CD1B: variants seen among roughly 807,000 people sequenced by gnomAD.
CD1B encodes CD1b molecule, also known as T-cell surface glycoprotein CD1b.
A neutral mutation model predicts 39.8 loss-of-function variants in CD1B; 43 were observed. That is an observed-to-expected ratio of 1.08 (90% CI 0.85 to 1.39). The LOEUF is 1.39. Among genes scored for constraint, CD1B ranks in the 40% most tolerant of loss-of-function variants. CD1B has a pLI of 0.00. For synonymous variants in CD1B, 192 were observed against 152.5 expected (o/e 1.26, Z -1.91); for missense variants, 495 against 403.8 (o/e 1.23, Z -1.94).
At chr1:158,287,554 C>G in the CD1B span, among the ~76,000 whole-genome samples, 1 of 152,040 alleles carries the variant, frequency 6.6e-6, no homozygotes, top group Non-Finnish European at 1.5e-5. Context: ...GAAGGCCACT[C>G]CATTTAGGGT....
the CD1B span, among the ~76,000 whole-genome samples, chr1:158,319,203 G>T: frequency 6.6e-6 from 1 of 151,036 alleles, no homozygotes; most frequent in Non-Finnish European, 1.5e-5. Context: ...GAATCTGAAC[G>T]TTGGCCTGCC....
the CD1B span, among the ~76,000 whole-genome samples, chr1:158,303,739 A>G: frequency 1.3e-5 from 2 of 152,212 alleles, no homozygotes; most frequent in African/African-American, 4.8e-5. Flanking sequence ...CTCTACAACA[A>G]GAATTATAAA....
the CD1B span, among the ~76,000 whole-genome samples, chr1:158,316,289 G>A: frequency 6.6e-6 from 1 of 152,034 alleles, no homozygotes; most frequent in Non-Finnish European, 1.5e-5. Flanking sequence ...CTACCCATGA[G>A]CATGGAATGT....
the CD1B span, among the ~76,000 whole-genome samples, chr1:158,309,753 T>A: frequency 6.6e-6 from 1 of 150,940 alleles, no homozygotes; most frequent in Non-Finnish European, 1.5e-5. Flanking sequence ...ACACTGCATG[T>A]TCTCACTCAC....
the CD1B span, among the ~76,000 whole-genome samples, chr1:158,308,347 G>A: frequency 2.0e-5 from 3 of 152,126 alleles, no homozygotes; most frequent in Non-Finnish European, 4.4e-5. Flanking sequence ...CAAACAAATG[G>A]AAGAACATTC....
chr1:158,301,046 C>T, the CD1B span, among the ~76,000 whole-genome samples: 1 of 151,870 alleles, frequency 6.6e-6, no homozygotes, highest in Admixed American at 6.6e-5. Context: ...GTGTGAGCCA[C>T]CGTGCCTTTG....
chr1:158,323,621 C>T (rs1652261153), downstream of CD1B, among the ~76,000 whole-genome samples: 1 of 152,168 alleles, frequency 6.6e-6, no homozygotes, highest in South Asian at 2.1e-4. Context: ...TTTGTTTGTG[C>T]CTGTTTTTCT....
the CD1B span, among the ~76,000 whole-genome samples, chr1:158,308,810 C>T: frequency 6.6e-6 from 1 of 152,174 alleles, no homozygotes; most frequent in Non-Finnish European, 1.5e-5. Flanking sequence ...CCCTTCCTTA[C>T]ACCTTATACA....
intron 2 of CD1B, 87 bp from the exon 3 acceptor site, chr1:158,330,217 G>T: frequency 8.1e-7 from 1 of 1,240,348 alleles, no homozygotes; most frequent in Non-Finnish European, 1.1e-6. Flanking sequence ...AGATTTTGGT[G>T]GGGATAAAGT....
chr1:158,297,473 C>A, the CD1B span, among the ~76,000 whole-genome samples: 46 of 152,222 alleles, frequency 3.0e-4, no homozygotes, highest in African/African-American at 9.9e-4. Flanking sequence ...AGACTCTTAC[C>A]AGCCACCACA....
At chr1:158,320,079 G>A in the CD1B span, among the ~76,000 whole-genome samples, 1 of 152,256 alleles carries the variant, frequency 6.6e-6, no homozygotes, top group African/African-American at 2.4e-5. Context: ...GTCAGACAGG[G>A]ACATTTAAGT....
intron 5 of CD1B, 33 bp downstream of exon 5, chr1:158,328,888 T>C (rs1300968706): frequency 3.5e-6 from 5 of 1,434,378 alleles, no homozygotes; most frequent in Non-Finnish European, 4.8e-6. Flanking sequence ...AAAAGACATA[T>C]TAAAAAAAAA....
the CD1B span, chr1:158,293,546 T>A: frequency 6.2e-7 from 1 of 1,614,030 alleles, no homozygotes; most frequent in Non-Finnish European, 8.5e-7. Context: ...AATATAGTGA[T>A]GCCATCCCGT....
the CD1B span, among the ~76,000 whole-genome samples, chr1:158,301,805 G>C: frequency 9.9e-5 from 15 of 152,218 alleles, no homozygotes; most frequent in African/African-American, 3.6e-4. Context: ...GGTGTTCTCT[G>C]TATTTCCTGA....
chr1:158,296,567 C>A, the CD1B span, among the ~76,000 whole-genome samples: 2 of 152,174 alleles, frequency 1.3e-5, no homozygotes, highest in Non-Finnish European at 2.9e-5. Flanking sequence ...AATGAACACA[C>A]TAGCTCCCCA....
the CD1B span, among the ~76,000 whole-genome samples, chr1:158,321,421 A>T: frequency 1.3e-5 from 2 of 152,268 alleles, no homozygotes; most frequent in African/African-American, 4.8e-5. Flanking sequence ...TGAGGCTCTT[A>T]TAGGCAGCAT....
At chr1:158,297,992 C>G in the CD1B span, among the ~76,000 whole-genome samples, 78 of 150,554 alleles carry the variant, frequency 5.2e-4, no homozygotes, top group African/African-American at 1.7e-3. Flanking sequence ...AAGTTATCTT[C>G]AAGAGACCCA....
the CD1B span, chr1:158,293,187 C>A: frequency 6.5e-7 from 1 of 1,548,986 alleles, no homozygotes; most frequent in East Asian, 2.2e-5. Context: ...AAAATGGCAT[C>A]CATGTATCTT....
chr1:158,306,295 A>G, the CD1B span, among the ~76,000 whole-genome samples: 1 of 152,210 alleles, frequency 6.6e-6, no homozygotes, highest in Non-Finnish European at 1.5e-5. Flanking sequence ...CTCTGATAAA[A>G]CAGACTTTAA....
Sources: allele counts gnomAD v4.1 joint callset (sites outside exome capture counted in the v4.1 genomes callset), GRCh38; gene constraint gnomAD v4.1.1; transcripts MANE v1.5; gene names NCBI Gene and HGNC (gene_info 2026-07-23, HGNC 2026-07-21).